The following SLC35F3 variants were observed in gnomAD, a reference collection of about 807,000 sequenced individuals.
SLC35F3 encodes the protein putative thiamine transporter SLC35F3.
SLC35F3 carries 25 observed loss-of-function variants against 49.9 expected under a neutral mutation model. The ratio of observed to expected loss-of-function variants is 0.50; its 90% CI spans 0.37 to 0.70. The LOEUF is 0.70. SLC35F3 is among the 30% of genes least tolerant of loss of function. SLC35F3 has a pLI of 0.00. For missense variants in SLC35F3, 525 were observed against 639.8 expected, an observed-to-expected ratio of 0.82 and a Z score of 1.94; for synonymous variants, 275 against 265.4, an observed-to-expected ratio of 1.04 and a Z score of -0.35.
At chr1:234,254,109 A>G (rs1440618248) in intron 3 of SLC35F3, among the ~76,000 whole-genome samples, 1 of 152,228 alleles carries the variant, frequency 6.6e-6, no homozygotes, top group Non-Finnish European at 1.5e-5. Context: ...ATTGACTTCC[A>G]TGAAGACTGG....
intron 3 of SLC35F3, among the ~76,000 whole-genome samples, chr1:234,246,262 C>A (rs1197680298): frequency 6.6e-6 from 1 of 152,138 alleles, no homozygotes; most frequent in Non-Finnish European, 1.5e-5. Flanking sequence ...CTTTCTCTAA[C>A]CTGACCCCAG....
chr1:234,303,016 T>C (rs1445336288), intron 3 of SLC35F3, among the ~76,000 whole-genome samples: 1 of 152,224 alleles, frequency 6.6e-6, no homozygotes, highest in East Asian at 1.9e-4. Context: ...TTTTCTCTAG[T>C]ATTTATACCA....
At chr1:234,173,262 A>G (rs1666428195) in intron 2 of SLC35F3, among the ~76,000 whole-genome samples, 1 of 152,224 alleles carries the variant, frequency 6.6e-6, no homozygotes, top group African/African-American at 2.4e-5. Context: ...TAGGATTATT[A>G]TACGCCAGAT....
chr1:234,277,159 A>G (rs1410209495), intron 3 of SLC35F3, among the ~76,000 whole-genome samples: 2 of 152,254 alleles, frequency 1.3e-5, no homozygotes, highest in African/African-American at 2.4e-5. Flanking sequence ...CATCATCCAC[A>G]GTCCAATGAG....
chr1:234,279,896 T>G (rs961596106), intron 3 of SLC35F3, among the ~76,000 whole-genome samples: 3 of 152,238 alleles, frequency 2.0e-5, no homozygotes, highest in Non-Finnish European at 4.4e-5. Flanking sequence ...GATGTGTTTT[T>G]CTTTCACAGG....
At chr1:233,908,183 AAAAC>A in intron 2 of SLC35F3, among the ~76,000 whole-genome samples, 1 of 151,866 alleles carries the variant, frequency 6.6e-6, no homozygotes, top group Non-Finnish European at 1.5e-5. Context: ...GGTTACAAAA[AAAAC>A]AAAACAAAGA....
chr1:234,031,222 G>A (rs377344935), intron 2 of SLC35F3, among the ~76,000 whole-genome samples: 1 of 152,068 alleles, frequency 6.6e-6, no homozygotes, highest in East Asian at 1.9e-4. Flanking sequence ...TTCCACTCAC[G>A]TTCTCAATCA....
chr1:233,996,440 G>A (rs1663462120), intron 2 of SLC35F3, among the ~76,000 whole-genome samples: 1 of 152,102 alleles, frequency 6.6e-6, no homozygotes, highest in South Asian at 2.1e-4. Context: ...ATGTGCATGT[G>A]TTATTCCTAG....
At chr1:233,944,633 A>G (rs974591710) in intron 2 of SLC35F3, among the ~76,000 whole-genome samples, 5 of 152,208 alleles carry the variant, frequency 3.3e-5, no homozygotes, top group Admixed American at 6.5e-5. Flanking sequence ...GGTCAGTTTC[A>G]TAGAAAGCAC....
Position 234,323,003 on chromosome 1 carries a change from C to T in SLC35F3, c.1238-5C>T. 1 of 1,612,450 alleles carries T rather than the reference C, an allele frequency of 6.2e-7. No individual in the cohort carries two copies. The highest frequency in any genetic ancestry group is 8.5e-7 in the Non-Finnish European group (1 of 1,178,976). On this transcript the variant is annotated splice_region_variant and splice_polypyrimidine_tract_variant and intron_variant, in intron 7 of 7. Coordinates refer to ENST00000366618, the MANE Select transcript of SLC35F3 (RefSeq NM_173508.4). The surrounding 1 kb of genome is among the most constrained non-coding windows in gnomAD (Gnocchi z 4.5). ...TGAGAAACCTCCATGCTCTGTCTCC[C>T]ACAGTGATTGATCACTACACCAGTC...
chr1:233,993,411 C>A (rs909275924), intron 2 of SLC35F3, among the ~76,000 whole-genome samples: 1 of 152,216 alleles, frequency 6.6e-6, no homozygotes, highest in Non-Finnish European at 1.5e-5. Flanking sequence ...GAGAAACTTG[C>A]TTGGAAGCCC....
intron 3 of SLC35F3, among the ~76,000 whole-genome samples, chr1:234,247,537 G>A (rs112304092): frequency 6.6e-6 from 1 of 151,214 alleles, no homozygotes; most frequent in Non-Finnish European, 1.5e-5. Context: ...ATTGTTCAGT[G>A]GGTTGGTTGC....
At chr1:234,000,787 G>A (rs532641985) in intron 2 of SLC35F3, among the ~76,000 whole-genome samples, 4 of 152,330 alleles carry the variant, frequency 2.6e-5, no homozygotes, top group South Asian at 4.1e-4. Context: ...GTCAGGGCTT[G>A]TAGGGGACAG....
intron 2 of SLC35F3, among the ~76,000 whole-genome samples, chr1:234,156,092 C>G (rs1445537321): frequency 6.6e-6 from 1 of 151,902 alleles, no homozygotes; most frequent in Non-Finnish European, 1.5e-5. Flanking sequence ...GAAAAGGTTT[C>G]AAAAATAAGA....
At chr1:234,005,539 C>T (rs765687307) in intron 2 of SLC35F3, among the ~76,000 whole-genome samples, 5 of 152,232 alleles carry the variant, frequency 3.3e-5, no homozygotes, top group African/African-American at 1.2e-4. Context: ...AAATAGATAA[C>T]GTTGATAATG....
intron 2 of SLC35F3, among the ~76,000 whole-genome samples, chr1:234,201,284 G>A (rs913471347): frequency 6.6e-6 from 1 of 152,234 alleles, no homozygotes; most frequent in African/African-American, 2.4e-5. Context: ...GGGCAGGGCT[G>A]TAGCTAAACA....
intron 2 of SLC35F3, among the ~76,000 whole-genome samples, chr1:234,087,138 CCCA>C (rs1664973332): frequency 6.6e-6 from 1 of 152,170 alleles, no homozygotes; most frequent in East Asian, 1.9e-4. Context: ...CAGCAATACC[CCCA>C]CCACCACTGC....
In SLC35F3 at chr1:233,948,222, AGAGAGG is replaced by A. The variant is rs1222943463; in HGVS notation, c.283+42470_283+42475del. On this transcript the variant is annotated intron_variant, in intron 2 of 7. Coordinates refer to ENST00000366618, the MANE Select transcript of SLC35F3 (RefSeq NM_173508.4). Reference sequence around the variant, plus strand: ...GAGAGAGGGAGAGAGGGAGAGAGGGAGAGAGGGAGAGAGAGAGAGAGAGAGAGAGAG... The same window carrying A: ...GAGAGAGGGAGAGAGGGAGAGAGGGAGAGAGAGAGAGAGAGAGAGAGAGAG... 8.3e-3 allele frequency among the ~76,000 whole-genome samples: 1,150 copies of A among 138,866 alleles called. 6 individuals are homozygous for A. The highest frequency in any genetic ancestry group is 0.027 in the African/African-American group (930 of 34,152). The allele number at this position is 138,866 out of a possible 152,430, so 91.1% of individuals were successfully genotyped here.
chr1:234,011,851 A>G (rs1204998459), intron 2 of SLC35F3, among the ~76,000 whole-genome samples: 6 of 152,086 alleles, frequency 3.9e-5, no homozygotes, highest in South Asian at 4.2e-4. Flanking sequence ...GGAATATCTC[A>G]TCAGGTGGGA....
Sources: gnomAD v4.1 joint callset for allele counts (sites outside exome capture counted in the v4.1 genomes callset) on GRCh38, gnomAD v4.1.1 for gene constraint, Gnocchi (gnomAD v3.1) non-coding constraint, MANE v1.5 for transcripts, NCBI Gene and HGNC (gene_info 2026-07-23, HGNC 2026-07-21) for gene names.